The following ANKRD46 variants were observed in gnomAD, a reference collection of about 807,000 sequenced individuals.
The protein encoded by ANKRD46 is ankyrin repeat domain 46.
Under a neutral mutation model 19.8 loss-of-function variants are expected in ANKRD46, and 13 were observed. That is an observed-to-expected ratio of 0.66 (90% CI 0.43 to 1.04). The LOEUF (loss-of-function observed/expected upper bound fraction) is 1.04, where lower values mean the gene tolerates loss of function less well. Among genes scored for constraint, ANKRD46 ranks in the 50% least tolerant of loss-of-function variants. The pLI is 0.00. For missense variants in ANKRD46, 185 were observed against 274.8 expected (o/e 0.67, Z 2.31); for synonymous variants, 91 against 106.9 (o/e 0.85, Z 0.92).
At chr8:100,533,750 T>C (rs551487216) in intron 1 of ANKRD46, among the ~76,000 whole-genome samples, 1 of 152,326 alleles carries the variant, frequency 6.6e-6, no homozygotes, top group African/African-American at 2.4e-5. Context: ...AAAAAGCCAA[T>C]ACTTATATTT....
intron 1 of ANKRD46, among the ~76,000 whole-genome samples, chr8:100,533,904 T>A (rs1812012056): frequency 6.6e-6 from 1 of 152,224 alleles, no homozygotes; most frequent in Admixed American, 6.5e-5. Context: ...CTTCTTTACA[T>A]AGCCTGACGC....
rs1180749450 is a variant in ANKRD46, at chr8:100,534,941, A to G, written c.-130-1630T>C. Among the ~76,000 whole-genome samples the G allele has an allele frequency of 2.0e-5, 3 of 152,030 alleles. No individual in the cohort carries two copies. Among genetic ancestry groups the G allele is most frequent in the African/African-American group, 7.2e-5 (3 of 41,398 alleles). ...GCCACCATGCCTGGGTAATTTTTGTATTTTTAGTGGAGATGAGGTTTCACC... is the reference window on the plus strand; with the variant it reads ...GCCACCATGCCTGGGTAATTTTTGTGTTTTTAGTGGAGATGAGGTTTCACC... On this transcript the variant is annotated intron_variant, in intron 1 of 4. Transcript: ENST00000335659. The surrounding 1 kb of genome is among the most constrained non-coding windows in gnomAD (Gnocchi z 4.2).
chr8:100,548,108 C>T (rs1235345803), intron 1 of ANKRD46, among the ~76,000 whole-genome samples: 2 of 126,446 alleles, frequency 1.6e-5, no homozygotes, highest in Non-Finnish European at 1.8e-5. Context: ...GTTCTCAATA[C>T]AGAAAAAAAA....
downstream of ANKRD46, among the ~76,000 whole-genome samples, chr8:100,517,860 C>CCCAGATAA (rs1811659185): frequency 2.0e-5 from 3 of 152,210 alleles, no homozygotes; most frequent in Admixed American, 6.5e-5. Flanking sequence ...TCCTGGTGTT[C>CCCAGATAA]ACTCCAAGAT....
rs76949568 is a variant in ANKRD46, at chr8:100,555,444, G to A, written c.-131+4267C>T. Among the ~76,000 whole-genome samples the A allele has an allele frequency of 1.7e-4, 25 of 150,192 alleles. No individual in the cohort carries two copies. The East Asian group carries it at 4.3e-3, about 26-fold the overall frequency. ...GGACATACAAAAAATTAAGAACTCA[G>A]GGTGGGGGAAAAAACAGTATTAAAG... On this transcript the variant is annotated intron_variant, in intron 1 of 4. Transcript: ENST00000335659.
rs111491303 is a variant in ANKRD46, at chr8:100,511,316, G to A, written c.637-677C>T. Among the ~76,000 whole-genome samples, 3 of 152,264 alleles carry A rather than the reference G, an allele frequency of 2.0e-5. No individual in the cohort carries two copies. Among genetic ancestry groups the A allele is most frequent in the Admixed American group, 6.5e-5 (1 of 15,284 alleles). On this transcript the variant is annotated intron_variant, in intron 5 of 5. Transcript: ENST00000520552. The surrounding 1 kb of genome is among the most constrained non-coding windows in gnomAD (Gnocchi z 4.1). ...CAAACCCAGGTCTGCCTGAGTGCGA[G>A]ACCCCTGTGCTCACCACCACACTCT... is the stretch of plus-strand genomic sequence containing the variant.
intron 1 of ANKRD46, among the ~76,000 whole-genome samples, chr8:100,542,327 A>AT (rs554908805): frequency 1.5e-4 from 23 of 152,174 alleles, no homozygotes; most frequent in Non-Finnish European, 3.1e-4. Context: ...GATATACAAC[A>AT]TAAGACAACT....
chr8:100,553,615 G>A (rs1463974961), intron 1 of ANKRD46, among the ~76,000 whole-genome samples: 1 of 152,094 alleles, frequency 6.6e-6, no homozygotes, highest in Non-Finnish European at 1.5e-5. Context: ...TGGGTGTGAT[G>A]GCATGTACCT....
chr8:100,533,788 A>G (rs138547044), intron 1 of ANKRD46, among the ~76,000 whole-genome samples: 1 of 152,362 alleles, frequency 6.6e-6, no homozygotes, highest in African/African-American at 2.4e-5. Context: ...TTTAAGAAAA[A>G]GTATTTCTAA....
At chr8:100,542,394 G>A (rs1430927166) in intron 1 of ANKRD46, among the ~76,000 whole-genome samples, 3 of 152,120 alleles carry the variant, frequency 2.0e-5, no homozygotes, top group Non-Finnish European at 4.4e-5. Context: ...TGGCATGTTT[G>A]TAGAACAGAC....
intron 4 of ANKRD46, among the ~76,000 whole-genome samples, chr8:100,522,984 G>C (rs1412854023): frequency 6.6e-6 from 1 of 151,752 alleles, no homozygotes; most frequent in East Asian, 1.9e-4. Context: ...ATGGTAATGA[G>C]TATGTTTCTC....
At chr8:100,553,782 G>C (rs1019445999) in intron 1 of ANKRD46, among the ~76,000 whole-genome samples, 2 of 151,804 alleles carry the variant, frequency 1.3e-5, no homozygotes, top group Admixed American at 6.6e-5. Context: ...AAAAACTCAG[G>C]CAAACCAAAA....
rs1812022334 is a variant in ANKRD46, at chr8:100,534,392, GCTC to G, written c.-130-1084_-130-1082del. The stretch of plus-strand genomic sequence containing the variant: ...ACATGATAACACACAAAACATCTAC[GCTC>G]CTCATTTCCTACTTCTTTTGTGATA... On this transcript the variant is annotated intron_variant, in intron 1 of 4. Coordinates refer to ENST00000335659, the MANE Select transcript of ANKRD46 (RefSeq NM_001270377.2). The surrounding 1 kb of genome is among the most constrained non-coding windows in gnomAD (Gnocchi z 4.2). 6.6e-6 allele frequency among the ~76,000 whole-genome samples: 1 copy of G among 152,124 alleles called. No individual in the cohort carries two copies. Among genetic ancestry groups the G allele is most frequent in the South Asian group, 2.1e-4 (1 of 4,824 alleles).
At chr8:100,552,287 C>T (rs771139426) in intron 1 of ANKRD46, among the ~76,000 whole-genome samples, 1 of 151,856 alleles carries the variant, frequency 6.6e-6, no homozygotes. Flanking sequence ...TCCATTTTGG[C>T]CAATTCCAAA....
In ANKRD46 at chr8:100,525,976, T is replaced by C. The variant is rs1052375914; in HGVS notation, c.470+1869A>G. Among the ~76,000 whole-genome samples, 2 of 152,188 alleles carry C rather than the reference T, an allele frequency of 1.3e-5. No homozygotes were observed. Among genetic ancestry groups the C allele is most frequent in the African/African-American group, 4.8e-5 (2 of 41,432 alleles). ...TTTCACTATGGTCCTCATTTGCATT[T>C]TCCTAATGACATTACCTTTCAACTT... On this transcript the variant is annotated intron_variant, in intron 4 of 4. Coordinates refer to ENST00000335659, the MANE Select transcript of ANKRD46 (RefSeq NM_001270377.2). The surrounding 1 kb of genome is among the most constrained non-coding windows in gnomAD (Gnocchi z 4.4).
intron 1 of ANKRD46, among the ~76,000 whole-genome samples, chr8:100,548,805 C>G (rs769641623): frequency 9.2e-5 from 14 of 152,004 alleles, no homozygotes; most frequent in Non-Finnish European, 1.8e-4. Context: ...AAATGGGGTA[C>G]CAATAAAACT....
At chr8:100,547,090 C>T (rs1242992398) in intron 1 of ANKRD46, among the ~76,000 whole-genome samples, 2 of 152,132 alleles carry the variant, frequency 1.3e-5, no homozygotes, top group South Asian at 2.1e-4. Flanking sequence ...TAGGTTAATA[C>T]TGGAATGAGT....
intron 2 of ANKRD46, among the ~76,000 whole-genome samples, chr8:100,530,389 AT>A (rs11397608): frequency 4.7e-5 from 7 of 149,280 alleles, no homozygotes; most frequent in East Asian, 3.9e-4. Context: ...TTATAGCACA[AT>A]TTTTTTTTTT....
rs559025896 is a variant in ANKRD46 at position 100,546,503 on chromosome 8, C to T, written c.-130-13192G>A. Among the ~76,000 whole-genome samples, 11 of 152,326 alleles carry T rather than the reference C, an allele frequency of 7.2e-5. No homozygotes were observed. The South Asian group carries it at 2.3e-3, about 32-fold the overall frequency. On this transcript the variant is annotated intron_variant, in intron 1 of 4. Coordinates refer to ENST00000335659, the MANE Select transcript of ANKRD46 (RefSeq NM_001270377.2). The surrounding 1 kb of genome is among the most constrained non-coding windows in gnomAD (Gnocchi z 4.0). ...AGGAGTTGAGCTTTGGGAACCTCTG[C>T]CTAGATTTCAAAGGACATATGGAAA... is the stretch of plus-strand genomic sequence containing the variant.
Sources: allele counts gnomAD v4.1 joint callset (sites outside exome capture counted in the v4.1 genomes callset), GRCh38; gene constraint gnomAD v4.1.1; non-coding constraint Gnocchi (gnomAD v3.1); transcripts MANE v1.5; gene names NCBI Gene and HGNC (gene_info 2026-07-23, HGNC 2026-07-21).